The following KCNH5 variants were observed in gnomAD, a reference collection of about 807,000 sequenced individuals.
KCNH5 encodes potassium voltage-gated channel subfamily H member 5.
In KCNH5, 46 loss-of-function variants were observed where a neutral mutation model predicts 96.1. The ratio of observed to expected loss-of-function variants is 0.48; its 90% confidence interval spans 0.38 to 0.61. KCNH5 has a LOEUF of 0.61. Ranked by LOEUF, KCNH5 falls within the 20% of genes least tolerant of loss-of-function variation. The pLI is 0.00. For missense variants in KCNH5, 907 were observed against 1,225.8 expected, an observed-to-expected ratio of 0.74 and a Z score of 3.88; for synonymous variants, 439 against 449.8, an observed-to-expected ratio of 0.98 and a Z score of 0.30.
At chr14:62,853,415 C>T (rs1887848355) in intron 7 of KCNH5, among the ~76,000 whole-genome samples, 1 of 111,558 alleles carries the variant, frequency 9.0e-6, no homozygotes, top group African/African-American at 3.6e-5. Context: ...TGCTATGCAT[C>T]ATTATCACCA....
At chr14:62,770,822 A>G (rs775231719) in intron 10 of KCNH5, among the ~76,000 whole-genome samples, 19 of 152,186 alleles carry the variant, frequency 1.2e-4, no homozygotes, top group Non-Finnish European at 2.2e-4. Flanking sequence ...TTTCAAAGTC[A>G]TTTCTTCATA....
chr14:63,033,231 T>C (rs1394780353), intron 1 of KCNH5, among the ~76,000 whole-genome samples: 1 of 152,214 alleles, frequency 6.6e-6, no homozygotes, highest in Non-Finnish European at 1.5e-5. Flanking sequence ...ACACAAAATC[T>C]TTCCCCTGAA....
At chr14:62,709,126 G>A (rs560648986) in intron 10 of KCNH5, among the ~76,000 whole-genome samples, 4 of 149,884 alleles carry the variant, frequency 2.7e-5, no homozygotes, top group East Asian at 2.0e-4. Context: ...CCAGCTACTC[G>A]GGAGGCTGAG....
intron 8 of KCNH5, among the ~76,000 whole-genome samples, chr14:62,835,485 GA>G (rs1887446540): frequency 6.6e-6 from 1 of 151,932 alleles, no homozygotes; most frequent in Non-Finnish European, 1.5e-5. Flanking sequence ...CCTCCATGAT[GA>G]AAATATTACC....
rs1035346758 is a variant in KCNH5, at chr14:62,973,000, G to A, written c.942+7872C>T. On this transcript the variant is annotated intron_variant, in intron 6 of 10. Coordinates refer to ENST00000322893, the MANE Select transcript of KCNH5 (RefSeq NM_139318.5). ...ATCAAGAGTGAAAGCCACTAGAAAC[G>A]ATCAACTTTGGGTGATAATGATGTA... Among the ~76,000 whole-genome samples, 7 of 152,134 alleles carry A rather than the reference G, an allele frequency of 4.6e-5. No homozygotes were observed. The South Asian group carries it at 1.2e-3, about 27-fold the overall frequency.
intron 7 of KCNH5, among the ~76,000 whole-genome samples, chr14:62,934,141 T>C (rs1361207407): frequency 6.6e-6 from 1 of 151,326 alleles, no homozygotes; most frequent in Admixed American, 6.6e-5. Flanking sequence ...TCTTTCTTTT[T>C]TTTTTTTTGA....
At position 63,000,953 on chromosome 14, in the gene KCNH5, T is replaced by C. The variant is rs183765160; in HGVS notation, c.433+378A>G. On this transcript the variant is annotated intron_variant, in intron 4 of 10. Coordinates refer to ENST00000322893, the MANE Select transcript of KCNH5 (RefSeq NM_139318.5). ...AGCCAGGTATGGTGGCGCACACCTA[T>C]AGTCCCAGCTACTCAGGAGGCTGAG... is the stretch of plus-strand genomic sequence containing the variant. 1.3e-4 allele frequency among the ~76,000 whole-genome samples: 20 copies of C among 152,220 alleles called. No individual in the cohort carries two copies. The East Asian group carries it at 2.3e-3, about 18-fold the overall frequency.
At chr14:62,950,583 A>T (rs1594641412) in intron 6 of KCNH5, 24 bp from the exon 7 acceptor site, 1 of 1,385,862 alleles carries the variant, frequency 7.2e-7, no homozygotes, top group Non-Finnish European at 9.7e-7. Flanking sequence ...AAAAAAAAAA[A>T]TTACACCACA....
intron 9 of KCNH5, among the ~76,000 whole-genome samples, chr14:62,781,930 T>C (rs952416221): frequency 6.6e-6 from 1 of 152,190 alleles, no homozygotes; most frequent in Admixed American, 6.5e-5. Context: ...TAAGTGTCCA[T>C]GAAATCTTTA....
At chr14:62,735,254 G>A (rs1720373653) in intron 10 of KCNH5, among the ~76,000 whole-genome samples, 3 of 152,158 alleles carry the variant, frequency 2.0e-5, no homozygotes, top group African/African-American at 7.2e-5. Flanking sequence ...ATAAGGGGGT[G>A]ACAAGAATGC....
At chr14:62,764,384 G>A (rs959840769) in intron 10 of KCNH5, among the ~76,000 whole-genome samples, 28 of 152,034 alleles carry the variant, frequency 1.8e-4, no homozygotes, top group African/African-American at 6.5e-4. Context: ...AAAATAATAA[G>A]AGCCACTTAT....
intron 7 of KCNH5, among the ~76,000 whole-genome samples, chr14:62,866,116 C>T (rs1033684602): frequency 3.3e-5 from 5 of 152,088 alleles, no homozygotes; most frequent in African/African-American, 4.8e-5. Flanking sequence ...TTTGGAGAAA[C>T]GTTGAGTGTT....
intron 1 of KCNH5, among the ~76,000 whole-genome samples, chr14:63,031,018 C>T (rs763484300): frequency 7.9e-5 from 12 of 152,066 alleles, no homozygotes; most frequent in African/African-American, 2.4e-5. Flanking sequence ...ACAAGATCCT[C>T]AGGTGACCCC....
chr14:62,755,472 A>T (rs1254890696), intron 10 of KCNH5, among the ~76,000 whole-genome samples: 1 of 152,200 alleles, frequency 6.6e-6, no homozygotes, highest in African/African-American at 2.4e-5. Flanking sequence ...CTGGGACACA[A>T]TGGCTTCACA....
intron 10 of KCNH5, among the ~76,000 whole-genome samples, chr14:62,772,365 C>G (rs2139967555): frequency 6.6e-6 from 1 of 151,834 alleles, no homozygotes; most frequent in East Asian, 1.9e-4. Flanking sequence ...GCAGGCGGGC[C>G]CTGTGGCTCA....
intron 2 of KCNH5, among the ~76,000 whole-genome samples, chr14:63,009,514 T>C (rs190030972): frequency 1.3e-5 from 2 of 152,330 alleles, no homozygotes; most frequent in East Asian, 3.9e-4. Flanking sequence ...TCCACTCAGA[T>C]TTTTCATTTA....
rs35939292 is a variant in KCNH5, at chr14:62,865,333, T to TA, written c.1370-15482dup. Among the ~76,000 whole-genome samples, 344 of 132,038 alleles carry TA rather than the reference T, an allele frequency of 2.6e-3. 2 individuals carry two copies. Among genetic ancestry groups the TA allele is most frequent in the Middle Eastern group, 0.015 (4 of 270 alleles). 86.6% of individuals were successfully genotyped at this position (132,038 alleles called of 152,430 possible). The stretch of plus-strand genomic sequence containing the variant: ...TGGTGAATAAGGGTAAAATGCTATT[T>TA]AAAAAAAAAAAAAAAAAAGCTTATT... On this transcript the variant is annotated intron_variant, in intron 7 of 10. Coordinates refer to ENST00000322893, the MANE Select transcript of KCNH5 (RefSeq NM_139318.5).
chr14:62,818,061 C>T (rs546033501), intron 8 of KCNH5, among the ~76,000 whole-genome samples: 207 of 126,728 alleles, frequency 1.6e-3, no homozygotes, highest in African/African-American at 6.2e-3. Context: ...ATCTATAAAA[C>T]TCAAACCCAT....
chr14:62,712,703 AT>A (rs1375681783), intron 10 of KCNH5: 1 of 779,102 alleles, frequency 1.3e-6, no homozygotes, highest in African/African-American at 1.7e-5. Flanking sequence ...AGCGTTTGCC[AT>A]GGAGAACCAT....
Sources: gnomAD v4.1 joint callset for allele counts (sites outside exome capture counted in the v4.1 genomes callset) on GRCh38, gnomAD v4.1.1 for gene constraint, MANE v1.5 for transcripts, NCBI Gene and HGNC (gene_info 2026-07-23, HGNC 2026-07-21) for gene names.